MSI2: variants seen among roughly 807,000 people sequenced by gnomAD.
The protein encoded by MSI2 is RNA-binding protein Musashi homolog 2.
MSI2 carries 17 observed loss-of-function variants against 45.6 expected under a neutral mutation model. The observed-to-expected ratio is 0.37, with a 90% CI of 0.26 to 0.56. The LOEUF (loss-of-function observed/expected upper bound fraction) is 0.56. Among genes scored for constraint, MSI2 ranks in the 20% least tolerant of loss-of-function variants. MSI2 has a pLI of 0.77. For missense variants in MSI2, 293 were observed against 444.2 expected (o/e 0.66, Z 3.06); for synonymous variants, 156 against 158.2 (o/e 0.99, Z 0.11).
chr17:57,549,436 C>T (rs16958517), intron 7 of MSI2, among the ~76,000 whole-genome samples: 27,670 of 151,506 alleles, frequency 0.18, 3,185 homozygotes, highest in African/African-American at 0.34. Context: ...CTTCCATTTC[C>T]GGTAGTTGCT....
chr17:57,491,155 C>T (rs2085864518), intron 6 of MSI2, among the ~76,000 whole-genome samples: 1 of 152,222 alleles, frequency 6.6e-6, no homozygotes, highest in Admixed American at 6.5e-5. Context: ...TCGCATTGGT[C>T]AGTTTATTCG....
chr17:57,270,259 A>T (rs530890682), intron 5 of MSI2, among the ~76,000 whole-genome samples: 11 of 152,070 alleles, frequency 7.2e-5, no homozygotes, highest in African/African-American at 2.7e-4. Flanking sequence ...ATCCTTTGAA[A>T]TAGTTGGTAT....
intron 7 of MSI2, among the ~76,000 whole-genome samples, chr17:57,592,237 T>C (rs1904906983): frequency 6.6e-6 from 1 of 152,002 alleles, no homozygotes. Context: ...AATAAAATAC[T>C]TATTTCAGAA....
intron 5 of MSI2, chr17:57,264,089 A>G (rs898998945): frequency 6.6e-6 from 1 of 152,158 alleles, no homozygotes; most frequent in Non-Finnish European, 1.5e-5. Context: ...GTGTAGAGTA[A>G]AAGAGCATGG....
At chr17:57,462,402 T>C (rs1369497032) in intron 6 of MSI2, among the ~76,000 whole-genome samples, 1 of 152,206 alleles carries the variant, frequency 6.6e-6, no homozygotes, top group Non-Finnish European at 1.5e-5. Context: ...CTCCTTTCTT[T>C]GCCTTTCCAG....
At chr17:57,410,046 G>A (rs1360077511) in intron 6 of MSI2, among the ~76,000 whole-genome samples, 1 of 141,568 alleles carries the variant, frequency 7.1e-6, no homozygotes, top group Non-Finnish European at 1.6e-5. Flanking sequence ...GGGAGCCAGT[G>A]CACCACAGGC....
At chr17:57,412,327 C>T (rs1008986047) in intron 6 of MSI2, among the ~76,000 whole-genome samples, 4 of 152,062 alleles carry the variant, frequency 2.6e-5, no homozygotes, top group South Asian at 2.1e-4. Context: ...TGTGAGCTAC[C>T]GCACCTGGCC....
chr17:57,526,356 G>GGTGGGTGTGTGTGT (rs1555618737), intron 6 of MSI2, among the ~76,000 whole-genome samples: 1 of 122,562 alleles, frequency 8.2e-6, no homozygotes, highest in African/African-American at 3.2e-5. Flanking sequence ...GATATACCTG[G>GGTGGGTGTGTGTGT]GTGTGTGTGT....
At chr17:57,362,366 G>C (rs1288550878) in intron 5 of MSI2, among the ~76,000 whole-genome samples, 2 of 152,194 alleles carry the variant, frequency 1.3e-5, no homozygotes, top group Admixed American at 1.3e-4. Context: ...TTCCTAAACG[G>C]AAGATCCTGT....
intron 6 of MSI2, among the ~76,000 whole-genome samples, chr17:57,440,413 C>CGTGTGTGTGTGTGTGTGTGTGT (rs71139995): frequency 4.0e-4 from 42 of 104,596 alleles, no homozygotes; most frequent in East Asian, 2.8e-3. Flanking sequence ...GTTTGTTATC[C>CGTGTGTGTGTGTGTGTGTGTGT]GTGTGTGTGT....
At chr17:57,643,937 C>G (rs1404355495) in intron 10 of MSI2, among the ~76,000 whole-genome samples, 1 of 152,206 alleles carries the variant, frequency 6.6e-6, no homozygotes, top group Non-Finnish European at 1.5e-5. Flanking sequence ...AGCAGGCAGG[C>G]CTGGCCTTCA....
chr17:57,553,201 T>C (rs2087347199), intron 7 of MSI2, among the ~76,000 whole-genome samples: 1 of 152,202 alleles, frequency 6.6e-6, no homozygotes, highest in South Asian at 2.1e-4. Context: ...TGAGTAGTCC[T>C]GATTGAACTA....
chr17:57,440,864 T>TG (rs560433139), intron 6 of MSI2: 1 of 152,174 alleles, frequency 6.6e-6, no homozygotes, highest in South Asian at 2.1e-4. Flanking sequence ...CAGAAACGTT[T>TG]GAGGGAGTAG....
intron 7 of MSI2, among the ~76,000 whole-genome samples, chr17:57,571,789 C>T (rs1236397756): frequency 6.6e-6 from 1 of 152,154 alleles, no homozygotes; most frequent in Admixed American, 6.5e-5. Context: ...CCTCTCTGTT[C>T]CCAGCTGGGC....
chr17:57,376,771 T>C (rs2083504044), intron 5 of MSI2, among the ~76,000 whole-genome samples: 1 of 152,180 alleles, frequency 6.6e-6, no homozygotes, highest in Non-Finnish European at 1.5e-5. Flanking sequence ...CTTTCTGGAC[T>C]TGAGAATATC....
At chr17:57,468,443 A>C (rs2143667155) in intron 6 of MSI2, among the ~76,000 whole-genome samples, 1 of 149,346 alleles carries the variant, frequency 6.7e-6, no homozygotes, top group South Asian at 2.1e-4. Flanking sequence ...ATGGCGTGAA[A>C]CTGGGAGGCG....
At position 57,652,058 on chromosome 17, in the gene MSI2, A is replaced by G. The variant is rs1406679694; in HGVS notation, c.728-41A>G. On this transcript the variant is annotated intron_variant, in intron 10 of 13. Transcript: ENST00000284073. This position sits in a 1 kb window ranked among gnomAD's most constrained non-coding sequence, Gnocchi z 4.1. The stretch of plus-strand genomic sequence containing the variant: ...CCTAGGTCTGTGCCTGGCCCTTTCA[A>G]GGATTCCTCCATGACTCAGGCTCCT... The G allele has an allele frequency of 1.2e-6, 2 of 1,602,966 alleles. No homozygotes were observed. Among genetic ancestry groups the G allele is most frequent in the South Asian group, 1.1e-5 (1 of 90,806 alleles).
At chr17:57,460,098 C>A (rs975229395) in intron 6 of MSI2, among the ~76,000 whole-genome samples, 6 of 151,724 alleles carry the variant, frequency 4.0e-5, no homozygotes, top group African/African-American at 1.5e-4. Flanking sequence ...CACTGCACTC[C>A]AGCCTGGGCA....
At chr17:57,287,084 A>T (rs1220431729) in intron 5 of MSI2, among the ~76,000 whole-genome samples, 1 of 150,546 alleles carries the variant, frequency 6.6e-6, no homozygotes, top group East Asian at 2.0e-4. Flanking sequence ...TTTGCTCCAT[A>T]TTTATCATCT....
Sources: gnomAD v4.1 joint callset for allele counts (sites outside exome capture counted in the v4.1 genomes callset) on GRCh38, gnomAD v4.1.1 for gene constraint, Gnocchi (gnomAD v3.1) non-coding constraint, MANE v1.5 for transcripts, NCBI Gene and HGNC (gene_info 2026-07-23, HGNC 2026-07-21) for gene names.